Variants in DHX35 observed in about 807,000 individuals in gnomAD.
The protein encoded by DHX35 is probable ATP-dependent RNA helicase DHX35.
In DHX35, 84 loss-of-function variants were observed where a neutral mutation model predicts 99.6. The observed-to-expected ratio is 0.84, with a 90% CI of 0.71 to 1.01. The LOEUF (loss-of-function observed/expected upper bound fraction) is 1.01. DHX35 is among the 50% of genes least tolerant of loss of function. The pLI, the probability that DHX35 is intolerant of heterozygous loss-of-function variation, is 0.00. For synonymous variants in DHX35, 331 were observed against 316.2 expected (o/e 1.05, Z -0.50); for missense variants, 852 against 888.5 (o/e 0.96, Z 0.52).
At chr20:38,984,739 T>A (rs1471442653) in intron 4 of DHX35, among the ~76,000 whole-genome samples, 1 of 152,232 alleles carries the variant, frequency 6.6e-6, no homozygotes, top group African/African-American at 2.4e-5. Context: ...AGATTTATAA[T>A]ATACATGTTC....
chr20:38,993,007 A>G (rs2086364584), intron 7 of DHX35, among the ~76,000 whole-genome samples: 1 of 152,216 alleles, frequency 6.6e-6, no homozygotes, highest in Non-Finnish European at 1.5e-5. Context: ...TTCAACAATT[A>G]CAACTCACAG....
intron 3 of DHX35, among the ~76,000 whole-genome samples, chr20:38,975,013 A>G: frequency 6.6e-6 from 1 of 152,196 alleles, no homozygotes; most frequent in Non-Finnish European, 1.5e-5. Flanking sequence ...CCCTTTGCAT[A>G]TTTGAATATG....
chr20:38,990,986 C>A (rs1392213959), intron 5 of DHX35, among the ~76,000 whole-genome samples: 2 of 152,126 alleles, frequency 1.3e-5, no homozygotes, highest in African/African-American at 4.8e-5. Flanking sequence ...CACCATAGCC[C>A]ATGTGCTTAA....
At chr20:38,978,042 A>G (rs975410608) in intron 3 of DHX35, 2 of 742,202 alleles carry the variant, frequency 2.7e-6, no homozygotes, top group South Asian at 1.4e-5. Flanking sequence ...CTTCCTCTTC[A>G]TCTTCTGACT....
At chr20:39,009,385 G>T (rs908725105) in intron 12 of DHX35, among the ~76,000 whole-genome samples, 1 of 151,404 alleles carries the variant, frequency 6.6e-6, no homozygotes, top group Non-Finnish European at 1.5e-5. Context: ...AGTTTTTCGG[G>T]GATAGTGGTA....
intron 13 of DHX35, among the ~76,000 whole-genome samples, chr20:39,013,471 G>T (rs1185217993): frequency 2.6e-5 from 4 of 152,184 alleles, no homozygotes; most frequent in Non-Finnish European, 5.9e-5. Flanking sequence ...CAGTGTTTCT[G>T]TATTATCCCA....
chr20:38,971,734 C>G (rs1353521506), intron 2 of DHX35, among the ~76,000 whole-genome samples: 1 of 152,098 alleles, frequency 6.6e-6, no homozygotes, highest in Non-Finnish European at 1.5e-5. Context: ...TCACACTGTT[C>G]TACATCTCAC....
chr20:39,023,670 T>A lies in DHX35; in HGVS notation c.1594-20T>A. ...ACCCAGCAAAGAGTGAAATTCTGAATGTTGCTTCATTCTTTCCAGATTCGA... is the reference window on the plus strand; with the variant it reads ...ACCCAGCAAAGAGTGAAATTCTGAAAGTTGCTTCATTCTTTCCAGATTCGA... On this transcript the variant is annotated intron_variant, in intron 16 of 21. Coordinates refer to ENST00000252011, the MANE Select transcript of DHX35 (RefSeq NM_021931.4). The A allele has an allele frequency of 1.2e-6, 2 of 1,612,106 alleles. No homozygotes were observed. Among genetic ancestry groups the A allele is most frequent in the East Asian group, 2.2e-5 (1 of 44,866 alleles).
At chr20:38,963,439 A>G (rs536661840) in intron 1 of DHX35, among the ~76,000 whole-genome samples, 9 of 152,340 alleles carry the variant, frequency 5.9e-5, no homozygotes, top group East Asian at 5.8e-4. Context: ...CAAGCAAGAG[A>G]TATGTTTAAT....
At chr20:38,963,973 C>CT (rs1472494721) in intron 1 of DHX35, among the ~76,000 whole-genome samples, 1 of 152,150 alleles carries the variant, frequency 6.6e-6, no homozygotes, top group African/African-American at 2.4e-5. Context: ...TTCTCAAAGT[C>CT]TCAGTTACTC....
intron 4 of DHX35, among the ~76,000 whole-genome samples, chr20:38,986,063 T>G (rs1419865834): frequency 1.3e-5 from 2 of 152,224 alleles, no homozygotes; most frequent in Non-Finnish European, 2.9e-5. Flanking sequence ...ACCTGTCTTA[T>G]TTCAGTTTCC....
At chr20:39,016,332 C>T (rs1459814276) in intron 14 of DHX35, among the ~76,000 whole-genome samples, 1 of 152,178 alleles carries the variant, frequency 6.6e-6, no homozygotes, top group Non-Finnish European at 1.5e-5. Context: ...CAGTAGGCCC[C>T]ATCTCCCAAC....
chr20:39,012,330 C>G lies in DHX35; in HGVS notation c.1347+1926C>G, dbSNP rs552626019. On this transcript the variant is annotated intron_variant, in intron 13 of 21. Transcript: ENST00000252011. ...GCATGTAAAATTAAAGAAAAACATA[C>G]AGTGACAGAAATGACAGATCAGTAT... Among the ~76,000 whole-genome samples the G allele has an allele frequency of 1.6e-4, 25 of 152,156 alleles. 1 individual carries two copies. The East Asian group carries it at 4.8e-3, about 29-fold the overall frequency.
intron 1 of DHX35, among the ~76,000 whole-genome samples, chr20:38,968,510 T>A (rs2085943048): frequency 6.6e-6 from 1 of 152,086 alleles, no homozygotes. Flanking sequence ...CAGTTCTGAG[T>A]GGCCAATTTG....
In DHX35 at chr20:39,023,601, C is replaced by T. The variant is rs559908408; in HGVS notation, c.1594-89C>T. 137 of 1,277,030 alleles carry T rather than the reference C, an allele frequency of 1.1e-4. 1 individual carries two copies. The South Asian group carries it at 1.5e-3, about 14-fold the overall frequency. The allele number at this position is 1,277,030 out of a possible 1,614,324, so 79.1% of individuals were successfully genotyped here. ...CTTCTGGGTTCAGGCAATCCTCCCACCTTAGCCTCACCAAATGCTGGGATT... is the reference window on the plus strand; with the variant it reads ...CTTCTGGGTTCAGGCAATCCTCCCATCTTAGCCTCACCAAATGCTGGGATT... On this transcript the variant is annotated intron_variant, in intron 16 of 21. Transcript: ENST00000252011.
chr20:38,990,227 G>C (rs1169161227), intron 5 of DHX35, among the ~76,000 whole-genome samples: 1 of 152,160 alleles, frequency 6.6e-6, no homozygotes, highest in Non-Finnish European at 1.5e-5. Flanking sequence ...GTCATTGGTG[G>C]AAGTTCTCAC....
At chr20:38,963,163 G>C (rs2085860821) in intron 1 of DHX35, among the ~76,000 whole-genome samples, 1 of 152,084 alleles carries the variant, frequency 6.6e-6, no homozygotes, top group South Asian at 2.1e-4. Flanking sequence ...CATTAATCAG[G>C]TTTTTACTGA....
chr20:38,989,994 T>C (rs1453234286), intron 5 of DHX35, among the ~76,000 whole-genome samples: 1 of 152,208 alleles, frequency 6.6e-6, no homozygotes, highest in Non-Finnish European at 1.5e-5. Context: ...GAATGACCAA[T>C]GTAGTGATTT....
intron 3 of DHX35, chr20:38,978,351 C>T: frequency 1.4e-6 from 1 of 735,446 alleles, no homozygotes; most frequent in South Asian, 1.4e-5. Context: ...CTTTGATGGC[C>T]TTTAGTTCAC....
Sources: allele counts gnomAD v4.1 joint callset (sites outside exome capture counted in the v4.1 genomes callset), GRCh38; gene constraint gnomAD v4.1.1; transcripts MANE v1.5; gene names NCBI Gene and HGNC (gene_info 2026-07-23, HGNC 2026-07-21).